Variants in MROH9 observed in about 807,000 individuals in gnomAD.
The protein encoded by MROH9 is maestro heat-like repeat-containing protein family member 9.
MROH9 carries 92 observed loss-of-function variants against 98.2 expected under a neutral mutation model. The ratio of observed to expected loss-of-function variants is 0.94; its 90% CI spans 0.79 to 1.11. MROH9 has a LOEUF of 1.11. Ranked by LOEUF, MROH9 falls within the 50% of genes most tolerant of loss-of-function variation. The pLI is 0.00. For synonymous variants in MROH9, 397 were observed against 368.9 expected (o/e 1.08, Z -0.87); for missense variants, 1,057 against 1,014.8 (o/e 1.04, Z -0.57).
At chr1:171,041,597 T>C (rs1653307581) in intron 20 of MROH9, among the ~76,000 whole-genome samples, 1 of 151,736 alleles carries the variant, frequency 6.6e-6, no homozygotes, top group Non-Finnish European at 1.5e-5. Flanking sequence ...AGTAGTAAGA[T>C]TGGTGGATTG....
intron 20 of MROH9, among the ~76,000 whole-genome samples, chr1:171,042,241 T>C (rs1342706100): frequency 2.0e-5 from 3 of 152,098 alleles, no homozygotes; most frequent in Admixed American, 1.3e-4. Flanking sequence ...CATGCAAAGA[T>C]TGTCTTTCTG....
At position 171,063,060 on chromosome 1, in the gene MROH9, A is replaced by G. The variant is rs141844712; in HGVS notation, c.2344+866A>G. The stretch of plus-strand genomic sequence containing the variant: ...TTTGACTACCTGCTAAATGTCAAAC[A>G]CTAGAATTTTCCATCTTTCTTTCTT... On this transcript the variant is annotated intron_variant, in intron 21 of 21. Transcript: ENST00000367759. 8.4e-4 allele frequency among the ~76,000 whole-genome samples: 128 copies of G among 152,202 alleles called. 1 individual carries two copies. Among genetic ancestry groups the G allele is most frequent in the African/African-American group, 2.9e-3 (121 of 41,542 alleles).
chr1:170,987,651 C>T (rs1651194573), intron 10 of MROH9, among the ~76,000 whole-genome samples: 1 of 152,180 alleles, frequency 6.6e-6, no homozygotes. Context: ...GTGCATTTAG[C>T]TCATGTGCAG....
intron 20 of MROH9, among the ~76,000 whole-genome samples, chr1:171,028,513 C>T (rs1652800512): frequency 6.6e-6 from 1 of 152,184 alleles, no homozygotes; most frequent in South Asian, 2.1e-4. Context: ...TATATGGGGT[C>T]TTCTTTCATT....
chr1:170,977,946 C>G (rs1650778574), intron 8 of MROH9, among the ~76,000 whole-genome samples: 1 of 152,224 alleles, frequency 6.6e-6, no homozygotes, highest in African/African-American at 2.4e-5. Context: ...GTAGAACCCA[C>G]AGGAGACAGA....
At chr1:170,965,298 G>A in intron 7 of MROH9, 43 bp downstream of exon 7, 1 of 1,313,850 alleles carries the variant, frequency 7.6e-7, no homozygotes, top group Non-Finnish European at 1.1e-6. Context: ...TCTGAAGACT[G>A]CATTTCCATA....
intron 20 of MROH9, among the ~76,000 whole-genome samples, chr1:171,055,223 A>G (rs1050912498): frequency 6.6e-6 from 1 of 152,214 alleles, no homozygotes; most frequent in Non-Finnish European, 1.5e-5. Flanking sequence ...AACCTGGATA[A>G]CTGGAGATCC....
intron 15 of MROH9, among the ~76,000 whole-genome samples, chr1:171,003,815 T>C (rs1189115127): frequency 6.6e-6 from 1 of 152,114 alleles, no homozygotes; most frequent in Non-Finnish European, 1.5e-5. Flanking sequence ...CAAGATTATA[T>C]GCCATTTGTC....
At chr1:171,015,285 C>CAAT in intron 16 of MROH9, 1 of 295,344 alleles carries the variant, frequency 3.4e-6, no homozygotes, top group South Asian at 3.2e-5. Flanking sequence ...TAGTAAGCAG[C>CAAT]AAATTATTTA....
rs776312513 is a variant in MROH9, at chr1:170,961,850, A to T, written c.289-40A>T. ...AACTGTAGACATTAGGTAAAATTTTATCTAAGTCTGGCTGACTGTGCAATG... is the reference window on the plus strand; with the variant it reads ...AACTGTAGACATTAGGTAAAATTTTTTCTAAGTCTGGCTGACTGTGCAATG... On this transcript the variant is annotated intron_variant, in intron 5 of 21. Transcript: ENST00000367759. 25 of 1,083,438 alleles carry T rather than the reference A, an allele frequency of 2.3e-5. No homozygotes were observed. The Admixed American group carries it at 2.5e-4, about 11-fold the overall frequency. The allele number at this position is 1,083,438 out of a possible 1,614,324, so 67.1% of individuals were successfully genotyped here. A position where few individuals can be genotyped will look rare whatever the true frequency, so the allele number is the denominator to read the frequency against.
intron 3 of MROH9, among the ~76,000 whole-genome samples, chr1:170,957,795 GTTT>G (rs71573033): frequency 4.8e-5 from 6 of 124,666 alleles, no homozygotes; most frequent in African/African-American, 1.3e-4. Context: ...GCATTTTTTT[GTTT>G]TTTTTTTTTT....
At chr1:170,969,876 A>T (rs1465799381) in intron 7 of MROH9, among the ~76,000 whole-genome samples, 1 of 152,138 alleles carries the variant, frequency 6.6e-6, no homozygotes, top group Non-Finnish European at 1.5e-5. Flanking sequence ...TCAAAGTCTC[A>T]TCTTAGAGGA....
At chr1:171,016,432 T>C (rs929085261) in intron 17 of MROH9, 96 bp downstream of exon 17, 2 of 929,700 alleles carry the variant, frequency 2.2e-6, no homozygotes, top group Non-Finnish European at 2.9e-6. Context: ...AATAAGCCAA[T>C]AGGAGAAGAA....
chr1:170,945,598 C>T lies in MROH9; in HGVS notation c.25+17C>T, dbSNP rs1452024933. The T allele has an allele frequency of 1.2e-6, 2 of 1,608,792 alleles. No homozygotes were observed. Among genetic ancestry groups the T allele is most frequent in the South Asian group, 1.1e-5 (1 of 90,634 alleles). ...CAAAAACAAGTAAGGCTTTAGGACA[C>T]AATAGAGATGGGAGAAGGTATTTTT... On this transcript the variant is annotated intron_variant, in intron 2 of 21. Transcript: ENST00000367759.
At chr1:171,021,233 A>G (rs1652507657) in intron 17 of MROH9, among the ~76,000 whole-genome samples, 1 of 152,174 alleles carries the variant, frequency 6.6e-6, no homozygotes, top group Non-Finnish European at 1.5e-5. Flanking sequence ...TACCATTGAC[A>G]TTATTCACAG....
rs569653028 is a variant in MROH9 at position 170,998,235 on chromosome 1, G to A, written c.1557G>A (p.Arg519=). 13 of 1,613,414 alleles carry A rather than the reference G, an allele frequency of 8.1e-6. No individual in the cohort carries two copies. In the African/African-American group the frequency reaches 1.3e-4, roughly 17 times the overall value. ...LYKLSVEGPR[R]SEDTVIVLIF... ...AGCTCTCAGTAGAAGGTCCTAGAAG[G>A]TCAGAAGACACTGTCATCGTATTAA... The change falls in exon 15 of 22, where the codon AGG becomes AGA. Residue 519 remains arginine, a synonymous_variant. Coordinates refer to ENST00000367759, the MANE Select transcript of MROH9 (RefSeq NM_001163629.2).
intron 19 of MROH9, 32 bp downstream of exon 19, chr1:171,024,797 G>T: frequency 7.7e-7 from 1 of 1,299,482 alleles, no homozygotes; most frequent in Non-Finnish European, 1.1e-6. Context: ...ACTACTATAA[G>T]AGTTGTAGAC....
At chr1:170,986,492 G>A in intron 9 of MROH9, 69 bp from the exon 10 acceptor site, 1 of 1,520,522 alleles carries the variant, frequency 6.6e-7, no homozygotes, top group Non-Finnish European at 8.9e-7. Flanking sequence ...CCCCCACCAT[G>A]TCTGAGTTTA....
At chr1:170,998,323 C>A in intron 15 of MROH9, 49 bp downstream of exon 15, 1 of 1,613,034 alleles carries the variant, frequency 6.2e-7, no homozygotes, top group Non-Finnish European at 8.5e-7. Flanking sequence ...CCTTTTCTTA[C>A]CCAAATTTAA....
Sources: gnomAD v4.1 joint callset for allele counts (sites outside exome capture counted in the v4.1 genomes callset) on GRCh38, gnomAD v4.1.1 for gene constraint, MANE v1.5 for transcripts, NCBI Gene and HGNC (gene_info 2026-07-23, HGNC 2026-07-21) for gene names.